PID1: variants seen among roughly 807,000 people sequenced by gnomAD.
PID1 encodes the protein phosphotyrosine interaction domain containing 1, also known as PTB-containing, cubilin and LRP1-interacting protein.
Under a neutral mutation model 19.1 loss-of-function variants are expected in PID1, and 10 were observed. The observed-to-expected ratio is 0.52, with a 90% CI of 0.32 to 0.89. The LOEUF is 0.89. Ranked by LOEUF, PID1 falls within the 40% of genes least tolerant of loss-of-function variation. The pLI, the probability that PID1 is intolerant of heterozygous loss-of-function variation, is 0.03. For missense variants in PID1, 248 were observed against 285.3 expected (o/e 0.87, Z 0.94); for synonymous variants, 130 against 116.0 (o/e 1.12, Z -0.78).
At chr2:229,229,071 A>G (rs535398314) in intron 1 of PID1, among the ~76,000 whole-genome samples, 44 of 152,300 alleles carry the variant, frequency 2.9e-4, no homozygotes, top group African/African-American at 1.0e-3. Context: ...CCCAGTCCCA[A>G]TGTCATCTAG....
intron 2 of PID1, among the ~76,000 whole-genome samples, chr2:229,140,185 T>C (rs2106179567): frequency 6.6e-6 from 1 of 152,300 alleles, no homozygotes; most frequent in Non-Finnish European, 1.5e-5. Context: ...TATTTTTATC[T>C]TCAAAAATAT....
intron 1 of PID1, among the ~76,000 whole-genome samples, chr2:229,253,297 C>T (rs990182760): frequency 6.6e-6 from 1 of 152,138 alleles, no homozygotes; most frequent in Admixed American, 6.5e-5. Context: ...ACCAAAATTA[C>T]TTTATTTGTT....
At chr2:229,170,248 A>G (rs1160105406) in intron 1 of PID1, among the ~76,000 whole-genome samples, 3 of 152,196 alleles carry the variant, frequency 2.0e-5, no homozygotes, top group Non-Finnish European at 2.9e-5. Context: ...GAGAGACAAC[A>G]TGAGTGTGAA....
intron 2 of PID1, among the ~76,000 whole-genome samples, chr2:229,064,988 G>T (rs759976817): frequency 4.6e-5 from 7 of 152,148 alleles, no homozygotes; most frequent in Non-Finnish European, 1.0e-4. Context: ...TGAGCCTGGA[G>T]TAGCCTTTTA....
intron 2 of PID1, among the ~76,000 whole-genome samples, chr2:229,095,311 T>C (rs1304197560): frequency 6.6e-6 from 1 of 152,178 alleles, no homozygotes; most frequent in Middle Eastern, 3.2e-3. Flanking sequence ...TTCAATTCTC[T>C]AATGGTAGAA....
chr2:229,118,829 G>GA (rs575781657), intron 2 of PID1, among the ~76,000 whole-genome samples: 81 of 151,250 alleles, frequency 5.4e-4, no homozygotes, highest in African/African-American at 9.5e-4. Flanking sequence ...TTGAACAAGA[G>GA]AAAAAAAACA....
rs888357246 is a variant in PID1, at chr2:229,199,324, C to T, written c.31-43360G>A. 9.9e-5 allele frequency among the ~76,000 whole-genome samples: 15 copies of T among 152,022 alleles called. No homozygotes were observed. The East Asian group carries it at 2.1e-3, about 22-fold the overall frequency. ...TATGTTGTTATACTATATTATATTACGTGGTATTTGATTTTAATTTTTGTT... is the reference window on the plus strand; with the variant it reads ...TATGTTGTTATACTATATTATATTATGTGGTATTTGATTTTAATTTTTGTT... On this transcript the variant is annotated intron_variant, in intron 1 of 2. Coordinates refer to ENST00000392055, the MANE Select transcript of PID1 (RefSeq NM_001100818.2).
intron 2 of PID1, among the ~76,000 whole-genome samples, chr2:229,062,610 A>T (rs1468415352): frequency 6.6e-6 from 1 of 151,882 alleles, no homozygotes; most frequent in Non-Finnish European, 1.5e-5. Flanking sequence ...AAATCACACA[A>T]GGCCTACAAG....
At chr2:229,167,720 C>T (rs1361981674) in intron 1 of PID1, among the ~76,000 whole-genome samples, 1 of 151,924 alleles carries the variant, frequency 6.6e-6, no homozygotes, top group Non-Finnish European at 1.5e-5. Context: ...AGTATTTTAC[C>T]AATATTACTT....
chr2:229,036,730 A>G (rs900525899), intron 2 of PID1, among the ~76,000 whole-genome samples: 4 of 152,308 alleles, frequency 2.6e-5, no homozygotes, highest in African/African-American at 9.6e-5. Flanking sequence ...TCTGGGCAAC[A>G]GAGCTAGACT....
intron 1 of PID1, among the ~76,000 whole-genome samples, chr2:229,204,668 C>T (rs925989038): frequency 3.9e-5 from 6 of 152,024 alleles, no homozygotes; most frequent in Non-Finnish European, 5.9e-5. Flanking sequence ...GTATACTGTA[C>T]AACGGAATGA....
Position 229,024,337 on chromosome 2 carries a change from T to C in PID1, c.*1295A>G, listed in dbSNP as rs1693363871. The C allele has an allele frequency of 6.6e-6, 1 of 152,448 alleles. No individual in the cohort carries two copies. Among genetic ancestry groups the C allele is most frequent in the Non-Finnish European group, 1.5e-5 (1 of 68,048 alleles). The allele number at this position is 152,448 out of a possible 1,614,324, so 9.4% of individuals were successfully genotyped here. On this transcript the variant is annotated 3_prime_UTR_variant, in exon 3 of 3. Transcript: ENST00000392055. ...GCAGCATTACTTCGAAAAGTAGTCATCTGCTCTTGTCCTCCAATGTGTGTA... is the reference window on the plus strand; with the variant it reads ...GCAGCATTACTTCGAAAAGTAGTCACCTGCTCTTGTCCTCCAATGTGTGTA...
At chr2:229,258,508 C>T (rs139831264) in intron 1 of PID1, among the ~76,000 whole-genome samples, 17 of 152,286 alleles carry the variant, frequency 1.1e-4, no homozygotes, top group African/African-American at 3.9e-4. Flanking sequence ...GTTCTCCCAA[C>T]ATCTAGCACT....
chr2:229,135,316 T>C (rs1391280497), intron 2 of PID1, among the ~76,000 whole-genome samples: 1 of 152,172 alleles, frequency 6.6e-6, no homozygotes, highest in Non-Finnish European at 1.5e-5. Flanking sequence ...GTGACTAGCA[T>C]GCATTCGTGA....
Position 229,077,366 on chromosome 2 carries a change from T to C in PID1, c.178-51258A>G, listed in dbSNP as rs551566628. ...TCACTCTGATGATAGTTTCTTTTGC[T>C]GCACAGAAGCTCTTTAGTTTAATTA... On this transcript the variant is annotated intron_variant, in intron 2 of 2. Transcript: ENST00000392055. Among the ~76,000 whole-genome samples the C allele has an allele frequency of 2.0e-5, 3 of 152,366 alleles. 1 individual carries two copies. In the South Asian group the frequency reaches 6.2e-4, roughly 32 times the overall value.
intron 2 of PID1, among the ~76,000 whole-genome samples, chr2:229,109,918 T>A (rs567124477): frequency 6.6e-6 from 1 of 152,310 alleles, no homozygotes; most frequent in African/African-American, 2.4e-5. Flanking sequence ...AAGCTGTTTT[T>A]AAGATATTCC....
chr2:229,101,218 G>A (rs1695066310), intron 2 of PID1, among the ~76,000 whole-genome samples: 2 of 151,978 alleles, frequency 1.3e-5, no homozygotes, highest in African/African-American at 4.8e-5. Flanking sequence ...TTTCCAAATG[G>A]ATTTTTTTTT....
At chr2:229,139,008 AAAG>A (rs1689922796) in intron 2 of PID1, among the ~76,000 whole-genome samples, 1 of 91,508 alleles carries the variant, frequency 1.1e-5, no homozygotes, top group Non-Finnish European at 2.4e-5. Flanking sequence ...AGAAAGAAAG[AAAG>A]AAAGAAAGAA....
At chr2:229,066,099 A>G (rs922628258) in intron 2 of PID1, among the ~76,000 whole-genome samples, 6 of 152,214 alleles carry the variant, frequency 3.9e-5, no homozygotes, top group Non-Finnish European at 7.3e-5. Context: ...AAAAAAGGAA[A>G]AAAAGAAAAA....
Sources: allele counts gnomAD v4.1 joint callset (sites outside exome capture counted in the v4.1 genomes callset), GRCh38; gene constraint gnomAD v4.1.1; transcripts MANE v1.5; gene names NCBI Gene and HGNC (gene_info 2026-07-23, HGNC 2026-07-21).